Variants in TENM3 observed in about 807,000 individuals in gnomAD.
The protein encoded by TENM3 is teneurin-3.
TENM3 carries 63 observed loss-of-function variants against 255.1 expected under a neutral mutation model. That is an observed-to-expected ratio of 0.25 (90% CI 0.20 to 0.30). TENM3 has a LOEUF of 0.30. Among genes scored for constraint, TENM3 ranks in the 10% least tolerant of loss-of-function variants. The pLI is 1.00. For missense variants in TENM3, 2,929 were observed against 3,461.1 expected (o/e 0.85, Z 3.86); for synonymous variants, 1,306 against 1,322.3 (o/e 0.99, Z 0.27).
the TENM3 span, among the ~76,000 whole-genome samples, chr4:182,011,196 T>G: frequency 3.9e-5 from 6 of 152,150 alleles, no homozygotes; most frequent in Non-Finnish European, 5.9e-5. Flanking sequence ...CACTCATATT[T>G]CTCTAAAGCC....
the TENM3 span, among the ~76,000 whole-genome samples, chr4:181,629,928 G>C: frequency 6.6e-6 from 1 of 152,164 alleles, no homozygotes; most frequent in Non-Finnish European, 1.5e-5. Flanking sequence ...GCTCCTCCTT[G>C]TACCTCTGAT....
chr4:182,548,154 G>A (rs1250491747), intron 3 of TENM3, among the ~76,000 whole-genome samples: 2 of 152,136 alleles, frequency 1.3e-5, no homozygotes, highest in Non-Finnish European at 2.9e-5. Flanking sequence ...GAGCCCAGGA[G>A]GTGGAGGGTG....
chr4:182,246,706 A>G (rs1398266603), intron 1 of TENM3, among the ~76,000 whole-genome samples: 2 of 152,206 alleles, frequency 1.3e-5, no homozygotes, highest in African/African-American at 4.8e-5. Context: ...TAAGAAATAG[A>G]GAGATATGAA....
intron 5 of TENM3, among the ~76,000 whole-genome samples, chr4:182,643,221 A>C (rs1433223820): frequency 6.6e-6 from 1 of 152,244 alleles, no homozygotes; most frequent in Non-Finnish European, 1.5e-5. Context: ...TTAGCACATG[A>C]AATACACATG....
the TENM3 span, among the ~76,000 whole-genome samples, chr4:181,524,140 G>A: frequency 1.3e-5 from 2 of 152,122 alleles, no homozygotes; most frequent in African/African-American, 4.8e-5. Context: ...GTGAAAATGT[G>A]GGGGAGCAGC....
At chr4:182,176,798 A>G (rs1203031783) in intron 1 of TENM3, among the ~76,000 whole-genome samples, 1 of 146,912 alleles carries the variant, frequency 6.8e-6, no homozygotes, top group Non-Finnish European at 1.5e-5. Context: ...AGTAGCTGGG[A>G]CTACTAAATT....
the TENM3 span, among the ~76,000 whole-genome samples, chr4:181,982,900 T>G: frequency 6.6e-6 from 1 of 152,182 alleles, no homozygotes; most frequent in African/African-American, 2.4e-5. Flanking sequence ...AAGAAAACTA[T>G]TTTATTTTAC....
the TENM3 span, among the ~76,000 whole-genome samples, chr4:181,859,191 C>T: frequency 2.3e-5 from 3 of 132,416 alleles, no homozygotes; most frequent in East Asian, 2.2e-4. Context: ...TGCAGTGAGC[C>T]GAGATCGTGC....
chr4:182,417,237 T>A (rs1294136203), intron 3 of TENM3, among the ~76,000 whole-genome samples: 2 of 151,756 alleles, frequency 1.3e-5, no homozygotes, highest in Admixed American at 6.6e-5. Flanking sequence ...CGGCCTCCCA[T>A]AGTGCTGGGA....
chr4:182,749,677 T>C (rs1221951693), intron 19 of TENM3, among the ~76,000 whole-genome samples: 2 of 152,200 alleles, frequency 1.3e-5, no homozygotes, highest in Non-Finnish European at 2.9e-5. Flanking sequence ...GCCCAGATCA[T>C]ACATTTAGTG....
chr4:182,770,250 A>AT (rs1561227377), intron 22 of TENM3, among the ~76,000 whole-genome samples: 1 of 151,950 alleles, frequency 6.6e-6, no homozygotes, highest in South Asian at 2.1e-4. Context: ...TTGATCCCTG[A>AT]TTTTTTTCAT....
At chr4:181,655,418 CACA>C in the TENM3 span, among the ~76,000 whole-genome samples, 1 of 152,136 alleles carries the variant, frequency 6.6e-6, no homozygotes, top group Non-Finnish European at 1.5e-5. Flanking sequence ...TTGACTCTGA[CACA>C]ACAAAGCTGT....
chr4:182,295,977 G>C (rs910465496), intron 1 of TENM3, among the ~76,000 whole-genome samples: 140 of 152,170 alleles, frequency 9.2e-4, no homozygotes, highest in African/African-American at 3.3e-3. Flanking sequence ...TTGAAATAGC[G>C]TTTCACTCTT....
At chr4:181,495,287 G>A in the TENM3 span, among the ~76,000 whole-genome samples, 1 of 152,136 alleles carries the variant, frequency 6.6e-6, no homozygotes, top group African/African-American at 2.4e-5. Flanking sequence ...AGTTAGCGAA[G>A]GAGTTGGGAA....
chr4:181,825,425 A>AAAAC, the TENM3 span, among the ~76,000 whole-genome samples: 3 of 110,242 alleles, frequency 2.7e-5, no homozygotes, highest in Non-Finnish European at 4.1e-5. Flanking sequence ...AAAAAAAAAA[A>AAAAC]ACAGAGAATA....
chr4:182,486,524 A>G (rs1734738196), intron 3 of TENM3, among the ~76,000 whole-genome samples: 1 of 152,216 alleles, frequency 6.6e-6, no homozygotes, highest in African/African-American at 2.4e-5. Flanking sequence ...AAAATAGTCA[A>G]TGCTGTTCTC....
At chr4:182,651,153 A>G (rs998309690) in intron 5 of TENM3, among the ~76,000 whole-genome samples, 1 of 152,078 alleles carries the variant, frequency 6.6e-6, no homozygotes, top group African/African-American at 2.4e-5. Context: ...CCCTCTTGGA[A>G]TATTTATTGC....
At chr4:182,488,504 G>C (rs1419152326) in intron 3 of TENM3, among the ~76,000 whole-genome samples, 1 of 152,086 alleles carries the variant, frequency 6.6e-6, no homozygotes, top group Non-Finnish European at 1.5e-5. Context: ...CATAGTGCTG[G>C]AGAGCATGGC....
At chr4:182,110,179 C>T in the TENM3 span, among the ~76,000 whole-genome samples, 238 of 151,766 alleles carry the variant, frequency 1.6e-3, no homozygotes, top group Middle Eastern at 3.4e-3. Context: ...TCGTGGGACA[C>T]AGCCATGCAT....
Sources: allele counts gnomAD v4.1 joint callset (sites outside exome capture counted in the v4.1 genomes callset), GRCh38; gene constraint gnomAD v4.1.1; transcripts MANE v1.5; gene names NCBI Gene and HGNC (gene_info 2026-07-23, HGNC 2026-07-21).